SPAG7: variants seen among roughly 807,000 people sequenced by gnomAD.
SPAG7 encodes sperm associated antigen 7.
SPAG7 carries 20 observed loss-of-function variants against 30.6 expected under a neutral mutation model. The ratio of observed to expected loss-of-function variants is 0.65; its 90% confidence interval spans 0.46 to 0.95. The LOEUF (loss-of-function observed/expected upper bound fraction) is 0.95. SPAG7 is among the 40% of genes least tolerant of loss of function. The pLI is 0.00. For synonymous variants in SPAG7, 127 were observed against 104.2 expected (o/e 1.22, Z -1.33); for missense variants, 276 against 291.1 (o/e 0.95, Z 0.38).
At chr17:4,967,568 G>A (rs2151150521) in intron 1 of SPAG7, 152 bp downstream of exon 1, 2 of 669,692 alleles carry the variant, frequency 3.0e-6, no homozygotes, top group South Asian at 1.8e-5. Flanking sequence ...AGAACAGCGG[G>A]CGTGTCAGCA....
In SPAG7 at chr17:4,959,268, C is replaced by T. The variant is rs1351097180; in HGVS notation, c.*266G>A. On this transcript the variant is annotated 3_prime_UTR_variant, in exon 7 of 7. Coordinates refer to ENST00000206020, the MANE Select transcript of SPAG7 (RefSeq NM_004890.3). ...TATTGAATGTAAAGTACCCCAGCCC[C>T]ATGGGGAAGAAAATTCCAAGAACGG... The T allele has an allele frequency of 3.7e-6, 2 of 542,848 alleles. No homozygotes were observed. Among genetic ancestry groups the T allele is most frequent in the Non-Finnish European group, 6.6e-6 (2 of 305,048 alleles). 33.6% of individuals were successfully genotyped at this position (542,848 alleles called of 1,614,324 possible). A position where few individuals can be genotyped will look rare whatever the true frequency, so the allele number is the denominator to read the frequency against.
At chr17:4,961,632 G>T (rs1176918707) in intron 1 of SPAG7, among the ~76,000 whole-genome samples, 1 of 150,240 alleles carries the variant, frequency 6.7e-6, no homozygotes, top group Admixed American at 6.7e-5. Flanking sequence ...GGGTGTGGTG[G>T]TGGGCGCCTG....
intron 1 of SPAG7, 117 bp from the exon 2 acceptor site, chr17:4,960,970 T>C (rs899062887): frequency 1.2e-6 from 1 of 835,028 alleles, no homozygotes; most frequent in Non-Finnish European, 2.0e-6. Flanking sequence ...GAAGGTAGGA[T>C]TAGCGTTTAT....
rs1409866344 is a variant in SPAG7, at chr17:4,959,634, G to A, written c.584C>T (p.Ala195Val). Residue 195 changes from alanine (A) to valine (V), a missense_variant, in exon 7 of 7, where the codon GCC becomes GTC. By Grantham distance (64) the Ala-to-Val change is moderately conservative (BLOSUM62 0). Transcript: ENST00000206020. ...AATGGAGCGTGTGTCCCTCTTATTG[G>A]CCACGGGCACTAGGGGCAGAGAGGA... The part of the protein sequence containing the change: ...ANKTYGCVPV[A>V]NKRDTRSIEE... 3 of 1,613,960 alleles carry A rather than the reference G, an allele frequency of 1.9e-6. No homozygotes were observed. The highest frequency in any genetic ancestry group is 2.2e-5 in the East Asian group (1 of 44,886).
chr17:4,966,743 G>A (rs1971959898), intron 1 of SPAG7: 1 of 985,340 alleles, frequency 1.0e-6, no homozygotes, highest in African/African-American at 1.7e-5. Flanking sequence ...CCCAGCCCCG[G>A]ACTGTGGCCT....
chr17:4,960,600 C>A, intron 2 of SPAG7, 53 bp from the exon 3 acceptor site: 1 of 1,488,650 alleles, frequency 6.7e-7, no homozygotes, highest in Non-Finnish European at 9.3e-7. Flanking sequence ...ACCCAAGTAC[C>A]CCTCTCCCTA....
chr17:4,963,912 T>C (rs752160301), intron 1 of SPAG7, among the ~76,000 whole-genome samples: 8 of 152,128 alleles, frequency 5.3e-5, no homozygotes, highest in Non-Finnish European at 1.2e-4. Context: ...TTTTCTGAAC[T>C]CTTGGGCTCA....
chr17:4,959,950 G>A (rs762122366), intron 5 of SPAG7, 34 bp from the exon 6 acceptor site: 2 of 1,612,688 alleles, frequency 1.2e-6, no homozygotes. Context: ...GGTGCTCAGG[G>A]CCCCAGCCCA....
chr17:4,963,782 T>C (rs1462980953), intron 1 of SPAG7, among the ~76,000 whole-genome samples: 1 of 152,102 alleles, frequency 6.6e-6, no homozygotes, highest in Non-Finnish European at 1.5e-5. Flanking sequence ...TTTAACTTTC[T>C]ATATTTTGTA....
intron 1 of SPAG7, among the ~76,000 whole-genome samples, chr17:4,965,144 G>A (rs1025830361): frequency 1.3e-5 from 2 of 151,686 alleles, no homozygotes; most frequent in African/African-American, 4.8e-5. Context: ...AACTCCCGAC[G>A]TCAGGTGATC....
At position 4,967,817 on chromosome 17, in the gene SPAG7, T is replaced by A. The variant is rs944606632; in HGVS notation, c.-13A>T. 3 of 1,599,976 alleles carry A rather than the reference T, an allele frequency of 1.9e-6. No homozygotes were observed. The African/African-American group carries it at 4.0e-5, about 21-fold the overall frequency. On this transcript the variant is annotated 5_prime_UTR_variant, in exon 1 of 7. Coordinates refer to ENST00000206020, the MANE Select transcript of SPAG7 (RefSeq NM_004890.3). The stretch of plus-strand genomic sequence containing the variant: ...GTAGGTCCGCCATCTTGGGAGTGAC[T>A]GAGAGGGGGCGGTGCGTCTTAAAGG...
intron 1 of SPAG7, among the ~76,000 whole-genome samples, chr17:4,964,563 G>A (rs186271247): frequency 1.3e-3 from 201 of 151,656 alleles, no homozygotes; most frequent in Non-Finnish European, 2.3e-3. Flanking sequence ...AGGTTTCACC[G>A]TTTTAGCCAG....
chr17:4,966,964 A>C, intron 1 of SPAG7: 2 of 985,530 alleles, frequency 2.0e-6, no homozygotes, highest in Non-Finnish European at 2.4e-6. Flanking sequence ...CCCAAGCTGC[A>C]ACACGAGCAG....
At chr17:4,967,799 CGCCATCTTGGGAGTGACTGAGAGGGG>C in exon 1 of SPAG7, 1 of 1,613,478 alleles carries the variant, frequency 6.2e-7, no homozygotes, top group Non-Finnish European at 8.5e-7. Context: ...CCAGTAGGTC[CGCCATCTTGGGAGTGACTGAGAGGGG>C]GCGGTGCGTC....
At chr17:4,959,963 C>G (rs1971834072) in intron 5 of SPAG7, 47 bp from the exon 6 acceptor site, 5 of 1,613,046 alleles carry the variant, frequency 3.1e-6, no homozygotes, top group Non-Finnish European at 4.2e-6. Flanking sequence ...CCAGCCCAAA[C>G]CCCCACCCCT....
chr17:4,960,079 A>G lies in SPAG7; in HGVS notation c.360T>C (p.Ser120=), dbSNP rs758776304. ...GGTCCCATTCCTCTCCACGACGGTA[A>G]GAGTCTAGCTCTTCATCTGAGGGTG... ...EFAPSDEELD[S]YRRGEEWDPQ... is the part of the protein sequence containing the mutation. The change falls in exon 5 of 7, where the codon TCT becomes TCC. Residue 120 remains serine (S), a synonymous_variant. Transcript: ENST00000206020. 4 of 1,614,176 alleles carry G rather than the reference A, an allele frequency of 2.5e-6. No individual in the cohort carries two copies. Among genetic ancestry groups the G allele is most frequent in the Admixed American group, 1.7e-5 (1 of 60,028 alleles).
Position 4,960,116 on chromosome 17 carries a change from A to C in SPAG7, c.328-5T>G. On this transcript the variant is annotated splice_polypyrimidine_tract_variant and splice_region_variant and intron_variant, in intron 4 of 6. Transcript: ENST00000206020. ...TTCATCTGAGGGTGCAAACTCCTGA[A>C]GAAGAGCAGAATGATGGGGTCAGAG... 6.2e-7 allele frequency: 1 copy of C among 1,611,086 alleles called. No homozygotes were observed. Among genetic ancestry groups the C allele is most frequent in the Non-Finnish European group, 8.5e-7 (1 of 1,177,162 alleles).
rs752330594 is a variant in SPAG7 at position 4,959,525 on chromosome 17, G to A, written c.*9C>T. 28 of 1,609,498 alleles carry A rather than the reference G, an allele frequency of 1.7e-5. No homozygotes were observed. Among genetic ancestry groups the A allele is most frequent in the East Asian group, 2.2e-5 (1 of 44,864 alleles). ...TGCCCCAGGGGTCAAAGGGAGCTGG[G>A]CGGGGCGCCTAGGAGGTTGGCGGCA... On this transcript the variant is annotated 3_prime_UTR_variant, in exon 7 of 7. Coordinates refer to ENST00000206020, the MANE Select transcript of SPAG7 (RefSeq NM_004890.3).
chr17:4,961,875 A>C (rs1243461222), intron 1 of SPAG7, among the ~76,000 whole-genome samples: 1 of 152,106 alleles, frequency 6.6e-6, no homozygotes, highest in African/African-American at 2.4e-5. Flanking sequence ...CTCTCAAAAT[A>C]TCTTACTGTA....
Sources: gnomAD v4.1 joint callset for allele counts (sites outside exome capture counted in the v4.1 genomes callset) on GRCh38, gnomAD v4.1.1 for gene constraint, MANE v1.5 for transcripts, NCBI Gene and HGNC (gene_info 2026-07-23, HGNC 2026-07-21) for gene names.